The following PDE10A variants were observed in gnomAD, a reference collection of about 807,000 sequenced individuals.
PDE10A encodes the protein cAMP and cAMP-inhibited cGMP 3',5'-cyclic phosphodiesterase 10A.
A neutral mutation model predicts 97.7 loss-of-function variants in PDE10A; 39 were observed. The ratio of observed to expected loss-of-function variants is 0.40; its 90% confidence interval spans 0.31 to 0.52. The LOEUF (loss-of-function observed/expected upper bound fraction) is 0.52. Among genes scored for constraint, PDE10A ranks in the 20% least tolerant of loss-of-function variants. PDE10A has a pLI of 0.56. For synonymous variants in PDE10A, 371 were observed against 376.8 expected (o/e 0.98, Z 0.18); for missense variants, 731 against 1,047.8 (o/e 0.70, Z 4.17).
chr6:165,646,408 A>G (rs1789400302), intron 1 of PDE10A, among the ~76,000 whole-genome samples: 3 of 152,226 alleles, frequency 2.0e-5, no homozygotes, highest in Admixed American at 2.0e-4. Context: ...CTGTGCAGGA[A>G]AAAGTATTTA....
rs565151893 is a variant in PDE10A, at chr6:165,928,476, G to A, written c.-615+59053C>T. 3.9e-5 allele frequency among the ~76,000 whole-genome samples: 6 copies of A among 152,324 alleles called. No homozygotes were observed. The South Asian group carries it at 1.2e-3, about 32-fold the overall frequency. On this transcript the variant is annotated intron_variant, in intron 1 of 19. Coordinates refer to the PDE10A transcript ENST00000366882. The stretch of plus-strand genomic sequence containing the variant: ...CAGACACCCACTGTTTAACCGCCAG[G>A]CATGGGGTGTGAGCTGCTCAGCCCC...
chr6:165,373,781 T>C (rs1033762540), intron 18 of PDE10A, among the ~76,000 whole-genome samples: 4 of 151,984 alleles, frequency 2.6e-5, no homozygotes, highest in African/African-American at 4.8e-5. Context: ...CACATGCACA[T>C]GTATGTTTAT....
intron 21 of PDE10A, among the ~76,000 whole-genome samples, chr6:165,334,431 A>G (rs2128173789): frequency 6.7e-6 from 1 of 149,422 alleles, no homozygotes; most frequent in East Asian, 2.0e-4. Context: ...ACGCGCCTCT[A>G]TAGCGCCCTA....
At chr6:165,622,425 C>T (rs1788188774) in intron 1 of PDE10A, among the ~76,000 whole-genome samples, 1 of 152,142 alleles carries the variant, frequency 6.6e-6, no homozygotes, top group Non-Finnish European at 1.5e-5. Context: ...CATACCAAGG[C>T]TTTATGCTAT....
intron 1 of PDE10A, among the ~76,000 whole-genome samples, chr6:165,906,929 G>A (rs542664668): frequency 7.9e-5 from 12 of 152,248 alleles, no homozygotes; most frequent in East Asian, 5.8e-4. Flanking sequence ...GACGGCCTTC[G>A]CTCCTGGGTT....
At chr6:165,503,853 G>A (rs776851566) in intron 2 of PDE10A, among the ~76,000 whole-genome samples, 1 of 152,092 alleles carries the variant, frequency 6.6e-6, no homozygotes, top group Non-Finnish European at 1.5e-5. Flanking sequence ...TTATGGATAA[G>A]ATGGTTTTCC....
At chr6:165,703,338 G>A (rs753409599) in intron 1 of PDE10A, among the ~76,000 whole-genome samples, 7 of 152,164 alleles carry the variant, frequency 4.6e-5, no homozygotes, top group Non-Finnish European at 1.0e-4. Flanking sequence ...CATATAGAGA[G>A]TGGGAATAAA....
At chr6:165,830,399 G>T (rs1010861134) in intron 1 of PDE10A, among the ~76,000 whole-genome samples, 1 of 151,956 alleles carries the variant, frequency 6.6e-6, no homozygotes, top group African/African-American at 2.4e-5. Context: ...TTCTCCTCTA[G>T]AATACATTCC....
intron 1 of PDE10A, among the ~76,000 whole-genome samples, chr6:165,709,241 C>A (rs1791818755): frequency 7.5e-6 from 1 of 133,768 alleles, no homozygotes; most frequent in Non-Finnish European, 1.6e-5. Flanking sequence ...TGCTCCCGTG[C>A]TCTCTCCCCA....
At chr6:165,741,239 C>T (rs891171349) in intron 1 of PDE10A, among the ~76,000 whole-genome samples, 5 of 152,008 alleles carry the variant, frequency 3.3e-5, no homozygotes, top group African/African-American at 1.2e-4. Flanking sequence ...TTTTGTACAT[C>T]TTAAATATAT....
chr6:165,573,741 T>C (rs1785165522), intron 1 of PDE10A, among the ~76,000 whole-genome samples: 1 of 152,156 alleles, frequency 6.6e-6, no homozygotes. Context: ...CAGACAGGAA[T>C]CTGGCCTACA....
At position 165,851,146 on chromosome 6, in the gene PDE10A, G is replaced by T. The variant is rs374032533; in HGVS notation, c.-615+136383C>A. The stretch of plus-strand genomic sequence containing the variant: ...TCTACCTAATATAGATAATTATCAT[G>T]ATCACACATTCAAACAGGGGCTTGC... On this transcript the variant is annotated intron_variant, in intron 1 of 19. Transcript: ENST00000366882. Among the ~76,000 whole-genome samples the T allele has an allele frequency of 9.8e-5, 15 of 152,334 alleles. No homozygotes were observed. In the East Asian group the frequency reaches 2.3e-3, roughly 24 times the overall value.
chr6:165,475,888 T>C (rs1474921316), intron 3 of PDE10A, among the ~76,000 whole-genome samples: 1 of 152,168 alleles, frequency 6.6e-6, no homozygotes, highest in African/African-American at 2.4e-5. Context: ...TCAACCAACC[T>C]AGAGAAAAAT....
rs545948211 is a variant in PDE10A, at chr6:165,942,893, A to G, written c.-615+44636T>C. Among the ~76,000 whole-genome samples, 3 of 152,144 alleles carry G rather than the reference A, an allele frequency of 2.0e-5. No homozygotes were observed. In the South Asian group the frequency reaches 6.2e-4, roughly 32 times the overall value. ...GGATTTGTTCCACTGTGATTGGTAAATTAGGGAACAATTTGAGTGTCATGT... is the reference window on the plus strand; with the variant it reads ...GGATTTGTTCCACTGTGATTGGTAAGTTAGGGAACAATTTGAGTGTCATGT... On this transcript the variant is annotated intron_variant, in intron 1 of 19. Transcript: ENST00000366882.
intron 1 of PDE10A, among the ~76,000 whole-genome samples, chr6:165,974,871 C>A (rs1412918176): frequency 6.6e-6 from 1 of 152,212 alleles, no homozygotes; most frequent in Non-Finnish European, 1.5e-5. Context: ...TGCCTCTCTG[C>A]ACAGTTTTCT....
At chr6:165,479,318 T>C (rs548160846) in intron 3 of PDE10A, among the ~76,000 whole-genome samples, 1 of 152,286 alleles carries the variant, frequency 6.6e-6, no homozygotes, top group South Asian at 2.1e-4. Context: ...ATTCGACAGC[T>C]AGAAGACCTA....
chr6:165,844,152 C>T (rs1265749223), intron 1 of PDE10A, among the ~76,000 whole-genome samples: 1 of 152,158 alleles, frequency 6.6e-6, no homozygotes, highest in Non-Finnish European at 1.5e-5. Flanking sequence ...CTATCATCCC[C>T]CTGGAGGAGG....
At chr6:165,649,398 C>T (rs1789565809) in intron 1 of PDE10A, among the ~76,000 whole-genome samples, 1 of 152,116 alleles carries the variant, frequency 6.6e-6, no homozygotes, top group African/African-American at 2.4e-5. Context: ...CCCACTGAGA[C>T]ACTCCCAGAG....
At chr6:165,842,879 T>A (rs1448978833) in intron 1 of PDE10A, among the ~76,000 whole-genome samples, 3 of 152,258 alleles carry the variant, frequency 2.0e-5, no homozygotes, top group Non-Finnish European at 4.4e-5. Flanking sequence ...GACCCTGAGT[T>A]AGCCTCGGAC....
Sources: gnomAD v4.1 joint callset for allele counts (sites outside exome capture counted in the v4.1 genomes callset) on GRCh38, gnomAD v4.1.1 for gene constraint, MANE v1.5 for transcripts, NCBI Gene and HGNC (gene_info 2026-07-23, HGNC 2026-07-21) for gene names.